NUP188: variants seen among roughly 807,000 people sequenced by gnomAD.
NUP188 encodes the protein nucleoporin NUP188.
Under a neutral mutation model 223.0 loss-of-function variants are expected in NUP188, and 97 were observed. The observed-to-expected ratio is 0.43, with a 90% CI of 0.37 to 0.51. The LOEUF (loss-of-function observed/expected upper bound fraction) is 0.51. NUP188 is among the 20% of genes least tolerant of loss of function. The pLI, the probability that NUP188 is intolerant of heterozygous loss-of-function variation, is 0.00. For missense variants in NUP188, 1,947 were observed against 2,175.6 expected (o/e 0.89, Z 2.09); for synonymous variants, 869 against 828.0 (o/e 1.05, Z -0.85).
intron 27 of NUP188, 27 bp downstream of exon 27, chr9:128,993,721 A>T: frequency 1.2e-6 from 2 of 1,606,738 alleles, no homozygotes; most frequent in Non-Finnish European, 1.7e-6. Flanking sequence ...GAGTAGTTTC[A>T]TTGTTCTGGT....
chr9:128,961,124 A>T (rs1264230762), intron 8 of NUP188, among the ~76,000 whole-genome samples: 1 of 150,610 alleles, frequency 6.6e-6, no homozygotes, highest in Non-Finnish European at 1.5e-5. Flanking sequence ...TGAAAATGCA[A>T]GTCTGGCCAA....
In NUP188 at chr9:128,978,141, C is replaced by A. The variant is rs117182970; in HGVS notation, c.1204-1121C>A. On this transcript the variant is annotated intron_variant, in intron 12 of 43. Transcript: ENST00000372577. ...AACCCAGTGCTTTGGGAGGCGGAGG[C>A]GAGAAGATCACTTAAACCCAGGAGT... 2.4e-3 allele frequency among the ~76,000 whole-genome samples: 371 copies of A among 151,982 alleles called. 7 individuals carry two copies. In the East Asian group the frequency reaches 0.042, roughly 17 times the overall value.
intron 11 of NUP188, among the ~76,000 whole-genome samples, chr9:128,972,929 G>A (rs1470633587): frequency 6.6e-6 from 1 of 152,024 alleles, no homozygotes; most frequent in Admixed American, 6.6e-5. Flanking sequence ...GATGATTTTG[G>A]CAATAATTCC....
chr9:128,953,910 A>G (rs1289971100), intron 3 of NUP188, among the ~76,000 whole-genome samples: 3 of 151,544 alleles, frequency 2.0e-5, no homozygotes, highest in South Asian at 2.1e-4. Flanking sequence ...GCTTACTGCA[A>G]CCTCCACCTC....
At chr9:128,960,959 T>C (rs1841939794) in intron 8 of NUP188, among the ~76,000 whole-genome samples, 1 of 151,732 alleles carries the variant, frequency 6.6e-6, no homozygotes, top group African/African-American at 2.4e-5. Context: ...GTGGCACCCA[T>C]CTGTAGTCTC....
At chr9:128,960,059 C>CTTTTTTT (rs956759518) in intron 8 of NUP188, among the ~76,000 whole-genome samples, 13 of 103,778 alleles carry the variant, frequency 1.3e-4, no homozygotes, top group Non-Finnish European at 1.7e-4. Flanking sequence ...TTATTTTATT[C>CTTTTTTT]TTTTTTTTTT....
intron 16 of NUP188, 98 bp from the exon 17 acceptor site, chr9:128,982,804 T>C: frequency 6.3e-7 from 1 of 1,588,516 alleles, no homozygotes; most frequent in African/African-American, 1.3e-5. Context: ...ACCATCAAGA[T>C]TGTGATTTGT....
intron 15 of NUP188, among the ~76,000 whole-genome samples, chr9:128,981,847 G>C (rs1045605239): frequency 2.0e-5 from 3 of 152,176 alleles, no homozygotes; most frequent in African/African-American, 7.2e-5. Flanking sequence ...ACAGGCCAAG[G>C]TGGGCGGATC....
chr9:129,005,516 A>G lies in NUP188; in HGVS notation c.4723A>G (p.Ile1575Val), dbSNP rs747828740. ...CCACTTCACCCCAGATGTCTGCCAG[A>G]TTCTGCTGGATCAGGTACTGCCCAT... is the stretch of plus-strand genomic sequence containing the variant. ...LRHFTPDVCQILLDQSLDLAE... is the reference protein window; with the variant it reads ...LRHFTPDVCQVLLDQSLDLAE... The change falls in exon 40 of 44, where the codon ATT (isoleucine) becomes GTT (valine). Residue 1575 changes from isoleucine to valine, a missense_variant. Ile to Val is a conservative substitution (Grantham distance 29). Coordinates refer to ENST00000372577, the MANE Select transcript of NUP188 (RefSeq NM_015354.3). 6.2e-6 allele frequency: 10 copies of G among 1,607,150 alleles called. No homozygotes were observed.
At position 128,983,560 on chromosome 9, in the gene NUP188, G is replaced by C; in HGVS notation, c.1961+10G>C. 1 of 1,607,080 alleles carries C rather than the reference G, an allele frequency of 6.2e-7. No individual in the cohort carries two copies. Among genetic ancestry groups the C allele is most frequent in the Non-Finnish European group, 8.5e-7 (1 of 1,173,916 alleles). On this transcript the variant is annotated intron_variant, in intron 19 of 43. Coordinates refer to ENST00000372577, the MANE Select transcript of NUP188 (RefSeq NM_015354.3). ...TGAGTCAGATGATTAGGTGAGCCAA[G>C]TCCTAGGGTGGTGGGCCATATTCCC...
chr9:129,003,001 G>A (rs749267482), intron 37 of NUP188, 26 bp downstream of exon 37: 2 of 1,611,424 alleles, frequency 1.2e-6, no homozygotes, highest in South Asian at 1.1e-5. Context: ...CATTGCAGGG[G>A]TGGGAGTTTC....
At chr9:128,996,522 C>T (rs1467553023) in intron 30 of NUP188, among the ~76,000 whole-genome samples, 3 of 152,154 alleles carry the variant, frequency 2.0e-5, no homozygotes, top group African/African-American at 7.2e-5. Context: ...CCTCCTACAT[C>T]TGTGAAATTT....
intron 8 of NUP188, among the ~76,000 whole-genome samples, chr9:128,963,043 A>G (rs1250389115): frequency 6.6e-6 from 1 of 152,154 alleles, no homozygotes; most frequent in Admixed American, 6.6e-5. Context: ...CATCCATGTT[A>G]TATCATATAC....
At chr9:128,999,540 G>T in intron 33 of NUP188, 84 bp from the exon 34 acceptor site, 2 of 1,407,278 alleles carry the variant, frequency 1.4e-6, no homozygotes, top group Non-Finnish European at 9.9e-7. Flanking sequence ...TACATCTCCA[G>T]CCCCTTCCTA....
intron 29 of NUP188, 161 bp downstream of exon 29, chr9:128,995,084 A>G (rs921063677): frequency 3.1e-6 from 2 of 649,280 alleles, no homozygotes; most frequent in Non-Finnish European, 5.5e-6. Context: ...CAATCCACCG[A>G]TGGCATTTAT....
chr9:128,991,162 CT>C (rs78549616), intron 25 of NUP188, among the ~76,000 whole-genome samples: 43,433 of 123,326 alleles, frequency 0.35, 5,659 homozygotes, highest in Admixed American at 0.38. Context: ...CTCCAGATTT[CT>C]TTTTTTTTTT....
At chr9:128,995,068 C>T in intron 29 of NUP188, 145 bp downstream of exon 29, 1 of 678,452 alleles carries the variant, frequency 1.5e-6, no homozygotes, top group Non-Finnish European at 2.6e-6. Context: ...GAGCTGTGTT[C>T]CTGGCCAATC....
In NUP188 at chr9:128,979,338, CAG is replaced by C. The variant is rs1178958208; in HGVS notation, c.1269+18_1269+19del. The C allele has an allele frequency of 1.9e-6, 3 of 1,596,002 alleles. No individual in the cohort carries two copies. The highest frequency in any genetic ancestry group is 2.6e-6 in the Non-Finnish European group (3 of 1,164,692). ...CTGTTCTGGGGAACAGTAAGTATGTCAGAGAGAGTCACTGCATAGCAAAAGAA... is the reference window on the plus strand; with the variant it reads ...CTGTTCTGGGGAACAGTAAGTATGTCAGAGAGTCACTGCATAGCAAAAGAA... On this transcript the variant is annotated intron_variant, in intron 13 of 43. Coordinates refer to ENST00000372577, the MANE Select transcript of NUP188 (RefSeq NM_015354.3).
chr9:128,956,182 GGTGTGTGTGT>G (rs60109270), intron 3 of NUP188, among the ~76,000 whole-genome samples, 158 bp from the exon 4 acceptor site: 6 of 134,640 alleles, frequency 4.5e-5, no homozygotes, highest in African/African-American at 1.0e-4. Context: ...GAGGTGAATG[GGTGTGTGTGT>G]GTGTGTGTGT....
Sources: gnomAD v4.1 joint callset for allele counts (sites outside exome capture counted in the v4.1 genomes callset) on GRCh38, gnomAD v4.1.1 for gene constraint, MANE v1.5 for transcripts, NCBI Gene and HGNC (gene_info 2026-07-23, HGNC 2026-07-21) for gene names.